Variants in NUP98 observed in about 807,000 individuals in gnomAD.
The protein encoded by NUP98 is nucleoporin 98 and 96 precursor.
NUP98 carries 26 observed loss-of-function variants against 191.9 expected under a neutral mutation model. The observed-to-expected ratio is 0.14, with a 90% CI of 0.10 to 0.19. The LOEUF (loss-of-function observed/expected upper bound fraction) is 0.19, where lower values mean the gene tolerates loss of function less well. NUP98 is among the 10% of genes least tolerant of loss of function. The probability of loss-of-function intolerance (pLI) is 1.00; values close to 1 mark genes in which losing one functional copy is unlikely to be tolerated. For missense variants in NUP98, 1,941 were observed against 2,178.8 expected (o/e 0.89, Z 2.17); for synonymous variants, 808 against 778.4 (o/e 1.04, Z -0.63).
intron 1 of NUP98, among the ~76,000 whole-genome samples, chr11:3,785,386 T>C (rs114383206): frequency 0.015 from 2,288 of 152,280 alleles, 68 homozygotes; most frequent in African/African-American, 0.052. Context: ...TTACATCAAC[T>C]GTCTGGTTCC....
chr11:3,744,625 A>G lies in NUP98; in HGVS notation c.1292T>C (p.Leu431Ser), dbSNP rs374040380. Residue 431 changes from leucine to serine, a missense_variant, in exon 12 of 33, where the codon TTG (leucine) becomes TCG (serine). Coordinates refer to ENST00000324932, the MANE Select transcript of NUP98 (RefSeq NM_016320.5). The stretch of plus-strand genomic sequence containing the variant: ...AATCTTAGGTTGGTTGTTCCCAAAC[A>G]AAGATGCCTGTCCAGCACCAAGAGC... ...GTALGAGQAS[L>S]FGNNQPKIGG... is the part of the protein sequence containing the mutation. 6.2e-7 allele frequency: 1 copy of G among 1,613,384 alleles called. No homozygotes were observed. The highest frequency in any genetic ancestry group is 8.5e-7 in the Non-Finnish European group (1 of 1,179,606).
Position 3,771,733 on chromosome 11 carries a change from A to C in NUP98, c.784+15T>G, listed in dbSNP as rs779201717. The C allele has an allele frequency of 1.2e-6, 2 of 1,610,652 alleles. No individual in the cohort carries two copies. Among genetic ancestry groups the C allele is most frequent in the Admixed American group, 1.7e-5 (1 of 59,954 alleles). ...TCTCTCCTCAGTATAATCTAACATG[A>C]TATCAAGTGCTTACTAGTTCCAAAG... On this transcript the variant is annotated intron_variant, in intron 7 of 32. Transcript: ENST00000324932.
chr11:3,678,836 C>T (rs2077897705), intron 31 of NUP98, among the ~76,000 whole-genome samples: 1 of 152,012 alleles, frequency 6.6e-6, no homozygotes, highest in Non-Finnish European at 1.5e-5. Flanking sequence ...CTTAAGGCTG[C>T]GTGCAGGCGT....
rs151053436 is a variant in NUP98 at position 3,677,223 on chromosome 11, G to A, written c.5074-603C>T. Among the ~76,000 whole-genome samples the A allele has an allele frequency of 2.0e-4, 31 of 152,258 alleles. No homozygotes were observed. The East Asian group carries it at 5.6e-3, about 27-fold the overall frequency. ...TACTTGAGACTGGAGGACCAAGAGA[G>A]GCTTCTTTAAGGAGGTCATATTTAA... On this transcript the variant is annotated intron_variant, in intron 31 of 32. Transcript: ENST00000324932.
intron 26 of NUP98, among the ~76,000 whole-genome samples, chr11:3,695,247 T>C (rs902928224): frequency 2.5e-4 from 38 of 152,264 alleles, no homozygotes; most frequent in African/African-American, 8.9e-4. Flanking sequence ...TGGGATATGA[T>C]ACATTTTAAC....
intron 11 of NUP98, among the ~76,000 whole-genome samples, chr11:3,751,478 A>C (rs980825266): frequency 1.3e-5 from 2 of 152,234 alleles, no homozygotes; most frequent in African/African-American, 4.8e-5. Flanking sequence ...GATACATGCC[A>C]AACAACCCTA....
At chr11:3,720,967 G>GGTGTGT (rs1183823264) in intron 16 of NUP98, 142 bp from the exon 17 acceptor site, 20 of 434,494 alleles carry the variant, frequency 4.6e-5, no homozygotes, top group Admixed American at 8.7e-5. Context: ...TAGGAGAAGG[G>GGTGTGT]GTGTGTGAGT....
In NUP98 at chr11:3,725,139, A is replaced by G; in HGVS notation, c.1811T>C (p.Leu604Pro). The G allele has an allele frequency of 6.3e-7, 1 of 1,596,606 alleles. No homozygotes were observed. The highest frequency in any genetic ancestry group is 8.6e-7 in the Non-Finnish European group (1 of 1,164,896). ...TTCTGGATATTCAGATGGTGAAGCT[A>G]GATTTTCTGAATCACGATTAACAGG... ...FSPVNRDSEN[L>P]ASPSEYPENG... Residue 604 changes from leucine to proline, a missense_variant, in exon 15 of 33, where the codon CTA (leucine) becomes CCA (proline). Physicochemically the swap from Leu to Pro is moderately conservative, Grantham distance 98. Around this residue, in one of 6 missense-constraint regions of NUP98, gnomAD observed 453 missense variants for 438.2 expected, o/e 1.03. Coordinates refer to ENST00000324932, the MANE Select transcript of NUP98 (RefSeq NM_016320.5).
chr11:3,705,466 G>A, intron 21 of NUP98, 110 bp from the exon 22 acceptor site: 1 of 1,014,398 alleles, frequency 9.9e-7, no homozygotes, highest in Non-Finnish European at 1.5e-6. Flanking sequence ...TCAAGGCTGT[G>A]TACAGAGCTA....
chr11:3,733,581 G>C (rs567647814), intron 13 of NUP98, among the ~76,000 whole-genome samples: 1 of 152,254 alleles, frequency 6.6e-6, no homozygotes, highest in Non-Finnish European at 1.5e-5. Context: ...CAAAGTGCTG[G>C]GATTAAAGGC....
chr11:3,707,738 C>CAAAAAAA lies in NUP98; in HGVS notation c.2743-1118_2743-1112dup, dbSNP rs560101220. Among the ~76,000 whole-genome samples the CAAAAAAA allele has an allele frequency of 3.3e-4, 16 of 48,572 alleles. 1 individual carries two copies. The highest frequency in any genetic ancestry group is 1.1e-3 in the African/African-American group (10 of 8,934). The allele number at this position is 48,572 out of a possible 152,430, so 31.9% of individuals were successfully genotyped here. Reference sequence around the variant, plus strand: ...TGGGCAACAGAATGAGACTCTGTCTCAAAAAAAAAAAAAAAATCCTGAAGG... The same window carrying CAAAAAAA: ...TGGGCAACAGAATGAGACTCTGTCTCAAAAAAAAAAAAAAAAAAAAAAATCCTGAAGG... On this transcript the variant is annotated intron_variant, in intron 20 of 32. Coordinates refer to ENST00000324932, the MANE Select transcript of NUP98 (RefSeq NM_016320.5).
chr11:3,702,315 T>C (rs10767514), intron 23 of NUP98, 148 bp downstream of exon 23: 8 of 241,480 alleles, frequency 3.3e-5, no homozygotes, highest in African/African-American at 1.2e-4. Context: ...ACACACACAC[T>C]CTCTCTCTCT....
chr11:3,700,944 G>A, intron 23 of NUP98, 105 bp from the exon 24 acceptor site: 1 of 766,744 alleles, frequency 1.3e-6, no homozygotes, highest in Non-Finnish European at 2.1e-6. Context: ...CAAACGGAAT[G>A]CAAACATTTC....
intron 23 of NUP98, 144 bp downstream of exon 23, chr11:3,702,319 T>TCTCTC (rs1564821399): frequency 1.1e-5 from 1 of 92,604 alleles, no homozygotes; most frequent in Non-Finnish European, 1.8e-5. Context: ...ACACACTCTC[T>TCTCTC]CTCTCTCTCT....
At chr11:3,691,517 C>T (rs1211181605) in intron 27 of NUP98, 28 bp from the exon 28 acceptor site, 3 of 1,609,688 alleles carry the variant, frequency 1.9e-6, no homozygotes, top group Non-Finnish European at 2.5e-6. Flanking sequence ...TAAAACAATA[C>T]ATTAGCTCCT....
intron 26 of NUP98, among the ~76,000 whole-genome samples, chr11:3,694,520 C>T (rs1269190563): frequency 1.3e-5 from 2 of 151,456 alleles, no homozygotes; most frequent in Non-Finnish European, 2.9e-5. Context: ...GCAGGCAGAT[C>T]ATGAGGTCAG....
At chr11:3,795,025 T>C (rs766590206) in intron 1 of NUP98, among the ~76,000 whole-genome samples, 2 of 152,214 alleles carry the variant, frequency 1.3e-5, no homozygotes, top group Non-Finnish European at 2.9e-5. Context: ...TTCTTTACTT[T>C]CCAGGTTAAC....
At chr11:3,714,122 T>C (rs933530720) in intron 18 of NUP98, 127 bp from the exon 19 acceptor site, 102 of 954,386 alleles carry the variant, frequency 1.1e-4, no homozygotes, top group Middle Eastern at 2.4e-4. Flanking sequence ...ATTCTGCATG[T>C]GTCATAAACT....
chr11:3,743,441 T>A (rs1342659164), intron 12 of NUP98, among the ~76,000 whole-genome samples: 2 of 145,622 alleles, frequency 1.4e-5, no homozygotes, highest in African/African-American at 5.0e-5. Flanking sequence ...GGTCAGGAGA[T>A]CGAGACCATC....
Sources: gnomAD v4.1 joint callset for allele counts (sites outside exome capture counted in the v4.1 genomes callset) on GRCh38, gnomAD v4.1.1 for gene constraint, gnomAD v4.1.1 regional missense constraint, MANE v1.5 for transcripts, NCBI Gene and HGNC (gene_info 2026-07-23, HGNC 2026-07-21) for gene names.